The following CTNNA3 variants were observed in gnomAD, a reference collection of about 807,000 sequenced individuals.
The protein encoded by CTNNA3 is catenin alpha 3, also known as catenin alpha-3.
Under a neutral mutation model 95.7 loss-of-function variants are expected in CTNNA3, and 76 were observed. That is an observed-to-expected ratio of 0.79 (90% CI 0.66 to 0.96). The LOEUF (loss-of-function observed/expected upper bound fraction) is 0.96. Among genes scored for constraint, CTNNA3 ranks in the 40% least tolerant of loss-of-function variants. CTNNA3 has a pLI of 0.00. For synonymous variants in CTNNA3, 431 were observed against 374.4 expected (o/e 1.15, Z -1.74); for missense variants, 1,191 against 1,089.8 (o/e 1.09, Z -1.31).
At chr10:67,481,964 T>C (rs1215139951) in intron 5 of CTNNA3, among the ~76,000 whole-genome samples, 4 of 151,942 alleles carry the variant, frequency 2.6e-5, no homozygotes, top group East Asian at 3.8e-4. Flanking sequence ...GCTTTCTCCA[T>C]ATGGCTAGCC....
At chr10:66,974,217 T>C (rs575525842) in intron 7 of CTNNA3, among the ~76,000 whole-genome samples, 2 of 152,324 alleles carry the variant, frequency 1.3e-5, no homozygotes, top group South Asian at 4.1e-4. Context: ...TGCTTTCTTT[T>C]GCTCATTACA....
At chr10:66,044,074 C>G (rs902485970) in intron 15 of CTNNA3, among the ~76,000 whole-genome samples, 1 of 151,908 alleles carries the variant, frequency 6.6e-6, no homozygotes, top group African/African-American at 2.4e-5. Flanking sequence ...TGGCTCACTG[C>G]AACCTCCCCT....
chr10:67,689,199 T>C (rs1343987209), intron 1 of CTNNA3, among the ~76,000 whole-genome samples: 1 of 152,118 alleles, frequency 6.6e-6, no homozygotes, highest in East Asian at 1.9e-4. Context: ...TCTCCAGAGT[T>C]GGAAGAGTGA....
rs77605444 is a variant in CTNNA3 at position 66,700,339 on chromosome 10, T to C, written c.1281+65925A>G. ...GGTGTAGATAAGGGTCCAGTTTCAC[T>C]CTTTGCCTGTGGATATCCAGTTTTC... is the stretch of plus-strand genomic sequence containing the variant. On this transcript the variant is annotated intron_variant, in intron 9 of 17. Coordinates refer to ENST00000433211, the MANE Select transcript of CTNNA3 (RefSeq NM_013266.4). Among the ~76,000 whole-genome samples, 51 of 152,226 alleles carry C rather than the reference T, an allele frequency of 3.4e-4. 2 individuals carry two copies. In the East Asian group the frequency reaches 8.0e-3, roughly 24 times the overall value.
At chr10:66,073,311 T>C (rs951419412) in intron 14 of CTNNA3, among the ~76,000 whole-genome samples, 6 of 152,154 alleles carry the variant, frequency 3.9e-5, no homozygotes, top group East Asian at 3.8e-4. Flanking sequence ...AGGTAATGCA[T>C]GTGTTAATTA....
chr10:66,438,340 G>C (rs1164412451), intron 11 of CTNNA3, among the ~76,000 whole-genome samples: 1 of 152,206 alleles, frequency 6.6e-6, no homozygotes, highest in Non-Finnish European at 1.5e-5. Context: ...GGAGTTGAGA[G>C]TTTTATTTAT....
rs147978741 is a variant in CTNNA3 at position 66,933,510 on chromosome 10, T to C, written c.1048-157986A>G. Among the ~76,000 whole-genome samples the C allele has an allele frequency of 2.8e-3, 426 of 152,298 alleles. 3 individuals are homozygous for C. The highest frequency in any genetic ancestry group is 9.7e-3 in the African/African-American group (402 of 41,570). Reference sequence around the variant, plus strand: ...TTACACTGGATCAATATAATGTTTATATGGCAACATGACATCATTATTGAG... The same window carrying C: ...TTACACTGGATCAATATAATGTTTACATGGCAACATGACATCATTATTGAG... On this transcript the variant is annotated intron_variant, in intron 7 of 17. Transcript: ENST00000433211.
intron 7 of CTNNA3, among the ~76,000 whole-genome samples, chr10:66,793,006 A>C (rs1841038871): frequency 6.6e-6 from 1 of 152,180 alleles, no homozygotes; most frequent in Non-Finnish European, 1.5e-5. Flanking sequence ...TGTTGAAACT[A>C]AGTCAGAAAC....
chr10:66,341,034 G>A (rs1052508790), intron 12 of CTNNA3, among the ~76,000 whole-genome samples: 1 of 151,784 alleles, frequency 6.6e-6, no homozygotes, highest in East Asian at 1.9e-4. Context: ...TCTTTATAAT[G>A]GGCAAGTGGA....
intron 9 of CTNNA3, among the ~76,000 whole-genome samples, chr10:66,633,679 C>CAA (rs112224526): frequency 6.9e-6 from 1 of 144,890 alleles, no homozygotes; most frequent in South Asian, 2.2e-4. Flanking sequence ...GACTCCATCT[C>CAA]AAAAAAAAAA....
chr10:66,282,952 G>T (rs577937491), intron 12 of CTNNA3, among the ~76,000 whole-genome samples: 5 of 151,968 alleles, frequency 3.3e-5, no homozygotes, highest in East Asian at 3.9e-4. Context: ...TAGGTACAAT[G>T]AAACATGTCC....
intron 11 of CTNNA3, among the ~76,000 whole-genome samples, chr10:66,510,100 T>C (rs977281614): frequency 1.3e-5 from 2 of 152,018 alleles, no homozygotes; most frequent in African/African-American, 2.4e-5. Context: ...GTTTTCATTG[T>C]AGACATCTTT....
chr10:67,587,552 T>G (rs1842674303), intron 3 of CTNNA3, among the ~76,000 whole-genome samples: 1 of 152,180 alleles, frequency 6.6e-6, no homozygotes, highest in South Asian at 2.1e-4. Flanking sequence ...TTTTCTGGCT[T>G]GTAAAGTTTC....
intron 15 of CTNNA3, among the ~76,000 whole-genome samples, chr10:66,052,804 C>A (rs966346330): frequency 1.4e-4 from 21 of 151,944 alleles, no homozygotes; most frequent in Admixed American, 9.8e-4. Context: ...GCAAAGCATT[C>A]TTTCTGAATA....
At chr10:66,329,087 A>T (rs78328946) in intron 12 of CTNNA3, among the ~76,000 whole-genome samples, 1,728 of 150,788 alleles carry the variant, frequency 0.011, 23 homozygotes, top group African/African-American at 0.034. Flanking sequence ...AGTAGCTGGG[A>T]TTACAGGTGT....
chr10:66,181,163 T>C (rs1391859445), intron 13 of CTNNA3, among the ~76,000 whole-genome samples: 1 of 152,218 alleles, frequency 6.6e-6, no homozygotes, highest in Non-Finnish European at 1.5e-5. Flanking sequence ...GAGAAATTTA[T>C]ATTCATAAAC....
intron 2 of CTNNA3, among the ~76,000 whole-genome samples, chr10:67,642,406 G>A (rs1839567391): frequency 6.6e-6 from 1 of 152,072 alleles, no homozygotes; most frequent in South Asian, 2.1e-4. Context: ...AGACATACAT[G>A]CGGCCAATAA....
intron 1 of CTNNA3, among the ~76,000 whole-genome samples, chr10:67,725,479 A>T (rs1841204294): frequency 6.6e-6 from 1 of 152,028 alleles, no homozygotes; most frequent in Non-Finnish European, 1.5e-5. Flanking sequence ...GCCCGGCCTT[A>T]TTGTACTTTT....
intron 12 of CTNNA3, among the ~76,000 whole-genome samples, chr10:66,364,698 C>G (rs1368646770): frequency 1.3e-5 from 2 of 152,186 alleles, no homozygotes; most frequent in East Asian, 3.9e-4. Flanking sequence ...TCCTAGTTAA[C>G]CCTCTTCTAG....
Sources: gnomAD v4.1 joint callset for allele counts (sites outside exome capture counted in the v4.1 genomes callset) on GRCh38, gnomAD v4.1.1 for gene constraint, MANE v1.5 for transcripts, NCBI Gene and HGNC (gene_info 2026-07-23, HGNC 2026-07-21) for gene names.